The following CEP126 variants were observed in gnomAD, a reference collection of about 807,000 sequenced individuals.
The protein encoded by CEP126 is centrosomal protein of 126 kDa.
Under a neutral mutation model 107.8 loss-of-function variants are expected in CEP126, and 74 were observed. The observed-to-expected ratio is 0.69, with a 90% CI of 0.57 to 0.83. The LOEUF (loss-of-function observed/expected upper bound fraction) is 0.83, where lower values mean the gene tolerates loss of function less well. Among genes scored for constraint, CEP126 ranks in the 40% least tolerant of loss-of-function variants. The pLI, the probability that CEP126 is intolerant of heterozygous loss-of-function variation, is 0.00. For synonymous variants in CEP126, 449 were observed against 446.0 expected (o/e 1.01, Z -0.08); for missense variants, 1,237 against 1,281.9 (o/e 0.96, Z 0.53).
intron 7 of CEP126, among the ~76,000 whole-genome samples, chr11:101,980,109 G>T (rs967585638): frequency 6.6e-6 from 1 of 152,070 alleles, no homozygotes; most frequent in Non-Finnish European, 1.5e-5. Flanking sequence ...AGCAAAACAA[G>T]TCATTTAGTT....
intron 2 of CEP126, among the ~76,000 whole-genome samples, chr11:101,925,478 G>A (rs573470145): frequency 4.6e-4 from 69 of 151,338 alleles, no homozygotes; most frequent in African/African-American, 1.6e-3. Flanking sequence ...AAAGTTTACC[G>A]GCAATTATCT....
At position 101,985,988 on chromosome 11, in the gene CEP126, A is replaced by ATTTTTTTTTTTTTTTTTTTTTTTTTTTTT. The variant is rs773628925; in HGVS notation, c.3035-841_3035-840insTTTTTTTTTTTTTTTTTTTTTTTTTTTTT. Among the ~76,000 whole-genome samples, 3 of 126,458 alleles carry ATTTTTTTTTTTTTTTTTTTTTTTTTTTTT rather than the reference A, an allele frequency of 2.4e-5. 1 individual carries two copies. 83.0% of individuals were successfully genotyped at this position (126,458 alleles called of 152,430 possible). A position where few individuals can be genotyped will look rare whatever the true frequency, so the allele number is the denominator to read the frequency against. ...CAGTGGGAAGTAAAACTCTGAATTGATTTCTTTTTTTTTTTTTTTTTTTTG... is the reference window on the plus strand; with the variant it reads ...CAGTGGGAAGTAAAACTCTGAATTGATTTTTTTTTTTTTTTTTTTTTTTTTTTTTTTTCTTTTTTTTTTTTTTTTTTTTG... On this transcript the variant is annotated intron_variant, in intron 8 of 10. Coordinates refer to ENST00000263468, the MANE Select transcript of CEP126 (RefSeq NM_020802.4).
intron 4 of CEP126, among the ~76,000 whole-genome samples, chr11:101,954,633 T>C (rs1940859184): frequency 6.6e-6 from 1 of 151,758 alleles, no homozygotes; most frequent in Non-Finnish European, 1.5e-5. Context: ...TGTGTGTGTA[T>C]GTTTATATAT....
At chr11:101,953,259 A>G (rs1013128551) in intron 4 of CEP126, among the ~76,000 whole-genome samples, 3 of 152,320 alleles carry the variant, frequency 2.0e-5, no homozygotes, top group South Asian at 2.1e-4. Context: ...CTCTTAGTCC[A>G]GATGTGGTTT....
chr11:101,949,630 A>T (rs568663205), intron 4 of CEP126, among the ~76,000 whole-genome samples: 13 of 152,274 alleles, frequency 8.5e-5, no homozygotes, highest in Admixed American at 2.6e-4. Context: ...GGGAAGGATA[A>T]ATTTTCATGG....
chr11:101,976,794 G>A (rs1257730370), intron 6 of CEP126, among the ~76,000 whole-genome samples: 1 of 152,054 alleles, frequency 6.6e-6, no homozygotes, highest in Non-Finnish European at 1.5e-5. Flanking sequence ...TTAAGACCAA[G>A]GTCAGACAAA....
At chr11:101,985,175 C>T (rs1033518520) in intron 8 of CEP126, among the ~76,000 whole-genome samples, 22 of 152,056 alleles carry the variant, frequency 1.4e-4, no homozygotes, top group Admixed American at 2.0e-4. Context: ...TCTTTGCTTT[C>T]TGATGGTTCA....
rs1452000822 is a variant in CEP126, at chr11:101,963,295, GC to G, written c.2261del (p.Ala754GlufsTer3). On this transcript the variant is annotated frameshift_variant, in exon 6 of 11. Transcript: ENST00000263468. LOFTEE classifies it high-confidence loss of function. ...TKQGKPQRGR[A>X]KIIRKPGSAK... Reference sequence around the variant, plus strand: ...GCAAGGTAAGCCACAAAGAGGTAGAGCAAAAATAATTAGAAAACCAGGATCT... The same window carrying G: ...GCAAGGTAAGCCACAAAGAGGTAGAGAAAAATAATTAGAAAACCAGGATCT... 1 of 1,613,932 alleles carries G rather than the reference GC, an allele frequency of 6.2e-7. No individual in the cohort carries two copies. Among genetic ancestry groups the G allele is most frequent in the Admixed American group, 1.7e-5 (1 of 59,996 alleles).
chr11:101,953,830 A>G (rs547888671), intron 4 of CEP126, among the ~76,000 whole-genome samples: 12 of 152,254 alleles, frequency 7.9e-5, no homozygotes, highest in African/African-American at 2.6e-4. Flanking sequence ...AGAGTACTCT[A>G]TAGGAAAGCT....
intron 1 of CEP126, among the ~76,000 whole-genome samples, chr11:101,919,025 T>C (rs1390197363): frequency 6.6e-6 from 1 of 152,200 alleles, no homozygotes; most frequent in Non-Finnish European, 1.5e-5. Context: ...TATTATAGAA[T>C]GGTTTATATA....
chr11:101,916,326 C>T (rs981346873), intron 1 of CEP126: 1 of 152,238 alleles, frequency 6.6e-6, no homozygotes, highest in Non-Finnish European at 1.5e-5. Context: ...TGAGTGCCTG[C>T]TCTTTGGCTG....
intron 4 of CEP126, among the ~76,000 whole-genome samples, chr11:101,955,616 G>GC (rs1397483200): frequency 6.6e-6 from 1 of 152,142 alleles, no homozygotes; most frequent in Non-Finnish European, 1.5e-5. Context: ...AGCTATGTAC[G>GC]TTTTTCAGTA....
chr11:101,932,767 A>G (rs918841752), intron 2 of CEP126, among the ~76,000 whole-genome samples: 2 of 152,070 alleles, frequency 1.3e-5, no homozygotes. Context: ...CTGGCTCCCT[A>G]TCTCAAACTG....
At chr11:101,938,604 T>G (rs867911330) in intron 2 of CEP126, among the ~76,000 whole-genome samples, 2 of 152,010 alleles carry the variant, frequency 1.3e-5, no homozygotes, top group African/African-American at 4.8e-5. Flanking sequence ...TCCCAAAACT[T>G]TGGAAAGCCA....
At chr11:101,943,765 G>T (rs1172382162) in intron 2 of CEP126, among the ~76,000 whole-genome samples, 1 of 151,886 alleles carries the variant, frequency 6.6e-6, no homozygotes, top group Non-Finnish European at 1.5e-5. Flanking sequence ...AAGAGAAACT[G>T]GAAATCCACA....
intron 4 of CEP126, chr11:101,955,867 A>G: frequency 2.2e-6 from 1 of 456,294 alleles, no homozygotes; most frequent in Non-Finnish European, 4.4e-6. Context: ...CACGGGTCCC[A>G]TTGCGGTCCC....
intron 9 of CEP126, among the ~76,000 whole-genome samples, chr11:101,991,787 G>T (rs1941385408): frequency 6.6e-6 from 1 of 152,124 alleles, no homozygotes; most frequent in African/African-American, 2.4e-5. Flanking sequence ...ATCATTGATG[G>T]ATCTAAAAAT....
intron 4 of CEP126, among the ~76,000 whole-genome samples, chr11:101,955,435 C>T (rs1940872510): frequency 6.6e-6 from 1 of 152,202 alleles, no homozygotes; most frequent in African/African-American, 2.4e-5. Context: ...ACGTGCTACA[C>T]TGAGAAATCT....
At chr11:101,949,655 T>G (rs1468757260) in intron 4 of CEP126, among the ~76,000 whole-genome samples, 1 of 152,134 alleles carries the variant, frequency 6.6e-6, no homozygotes, top group African/African-American at 2.4e-5. Context: ...AAAAATAGTT[T>G]ACAGAGATCA....
Sources: gnomAD v4.1 joint callset for allele counts (sites outside exome capture counted in the v4.1 genomes callset) on GRCh38, gnomAD v4.1.1 for gene constraint, MANE v1.5 for transcripts, NCBI Gene and HGNC (gene_info 2026-07-23, HGNC 2026-07-21) for gene names.